The following ADGRV1 variants were observed in gnomAD, a reference collection of about 807,000 sequenced individuals.
ADGRV1 encodes the protein G-protein coupled receptor 98.
In ADGRV1, 359 loss-of-function variants were observed where a neutral mutation model predicts 596.2. That is an observed-to-expected ratio of 0.60 (90% confidence interval 0.55 to 0.66). ADGRV1 has a LOEUF of 0.66. Ranked by LOEUF, ADGRV1 falls within the 30% of genes least tolerant of loss-of-function variation. ADGRV1 has a pLI of 0.00. For synonymous variants in ADGRV1, 2,681 were observed against 2,679.2 expected, an observed-to-expected ratio of 1.00 and a Z score of -0.02; for missense variants, 7,274 against 7,575.6, an observed-to-expected ratio of 0.96 and a Z score of 1.48.
intron 74 of ADGRV1, among the ~76,000 whole-genome samples, chr5:90,812,094 A>AT (rs1378652509): frequency 2.0e-5 from 3 of 151,430 alleles, no homozygotes; most frequent in Non-Finnish European, 1.5e-5. Context: ...CGCCCGGCTA[A>AT]TTTTTTTTAT....
intron 1 of ADGRV1, among the ~76,000 whole-genome samples, chr5:90,565,517 A>G (rs868257900): frequency 1.3e-5 from 2 of 152,230 alleles, no homozygotes; most frequent in South Asian, 2.1e-4. Context: ...CAATACTTCA[A>G]TCCTTTTGTA....
At chr5:90,831,057 A>G (rs1346552554) in intron 77 of ADGRV1, among the ~76,000 whole-genome samples, 1 of 151,984 alleles carries the variant, frequency 6.6e-6, no homozygotes, top group Non-Finnish European at 1.5e-5. Flanking sequence ...TTTGCACGGG[A>G]ACTACACCAT....
chr5:90,760,919 A>G (rs981870118), intron 58 of ADGRV1, among the ~76,000 whole-genome samples: 3 of 152,254 alleles, frequency 2.0e-5, no homozygotes, highest in Non-Finnish European at 4.4e-5. Context: ...GATAACTATG[A>G]CATAATATTA....
chr5:90,666,815 A>G (rs916776011), intron 21 of ADGRV1, among the ~76,000 whole-genome samples: 2 of 151,544 alleles, frequency 1.3e-5, no homozygotes, highest in African/African-American at 2.4e-5. Context: ...GGTGGTGACA[A>G]AATCTCTCAG....
At position 90,733,425 on chromosome 5, in the gene ADGRV1, C is replaced by T. The variant is rs985071976; in HGVS notation, c.10549+3661C>T. On this transcript the variant is annotated intron_variant, in intron 50 of 89. Transcript: ENST00000405460. ...GGTTTGGATTTTGGAGACATCCATG[C>T]GTGGGGATAGTCGAACTCATAAATG... 8.5e-5 allele frequency among the ~76,000 whole-genome samples: 13 copies of T among 152,186 alleles called. 1 individual carries two copies. Among genetic ancestry groups the T allele is most frequent in the Admixed American group, 3.3e-4 (5 of 15,280 alleles).
intron 1 of ADGRV1, among the ~76,000 whole-genome samples, chr5:90,587,578 A>G (rs154561): frequency 2.2e-5 from 3 of 136,306 alleles, no homozygotes; most frequent in Non-Finnish European, 3.1e-5. Flanking sequence ...TTTTTTTTAA[A>G]TGGAGTCTTG....
chr5:91,042,124 A>G (rs932588434), intron 85 of ADGRV1, among the ~76,000 whole-genome samples: 1 of 152,218 alleles, frequency 6.6e-6, no homozygotes, highest in Non-Finnish European at 1.5e-5. Context: ...ATAGTGATTC[A>G]GTTCAAAAAT....
At chr5:90,798,183 C>T (rs1760960681) in intron 70 of ADGRV1, among the ~76,000 whole-genome samples, 1 of 151,884 alleles carries the variant, frequency 6.6e-6, no homozygotes, top group South Asian at 2.1e-4. Flanking sequence ...GCTAGCCAGA[C>T]TAATGAAGAA....
chr5:90,721,409 CAG>C (rs1427209149), intron 45 of ADGRV1, among the ~76,000 whole-genome samples: 1 of 151,824 alleles, frequency 6.6e-6, no homozygotes, highest in Non-Finnish European at 1.5e-5. Flanking sequence ...GAGGCTAAGA[CAG>C]GAGAATGGCG....
intron 87 of ADGRV1, among the ~76,000 whole-genome samples, chr5:91,103,511 G>A (rs557850658): frequency 1.3e-5 from 2 of 151,340 alleles, no homozygotes; most frequent in South Asian, 4.2e-4. Flanking sequence ...GCTCAGTCTT[G>A]GTCACCTTTA....
At chr5:91,051,861 C>T (rs1220670800) in intron 85 of ADGRV1, among the ~76,000 whole-genome samples, 1 of 152,030 alleles carries the variant, frequency 6.6e-6, no homozygotes, top group Non-Finnish European at 1.5e-5. Flanking sequence ...GACTTTTTTA[C>T]AATGATGAGA....
Position 90,647,558 on chromosome 5 carries a change from G to A in ADGRV1, c.3083G>A (p.Gly1028Glu). The A allele has an allele frequency of 1.2e-6, 2 of 1,613,836 alleles. No homozygotes were observed. The highest frequency in any genetic ancestry group is 1.3e-5 in the African/African-American group (1 of 75,028). The change falls in exon 17 of 90, where the codon GGA becomes GAA. Residue 1028 changes from glycine (G) to glutamate (E), a missense_variant. This residue lies in a region of ADGRV1 where 1,715 missense variants were observed against 1,708.8 expected (regional missense o/e 1.00). Transcript: ENST00000405460. ...ETANFTVLRN[G>E]SVDVTCMVQY... Reference sequence around the variant, plus strand: ...GCCAACTTTACAGTTCTCAGAAATGGATCTGTTGATGTGACTTGCATGGTC... The same window carrying A: ...GCCAACTTTACAGTTCTCAGAAATGAATCTGTTGATGTGACTTGCATGGTC...
Position 91,100,845 on chromosome 5 carries a change from T to C in ADGRV1, c.18311-1374T>C, listed in dbSNP as rs577160805. 3.9e-5 allele frequency among the ~76,000 whole-genome samples: 6 copies of C among 152,328 alleles called. No individual in the cohort carries two copies. The South Asian group carries it at 1.0e-3, about 26-fold the overall frequency. ...ATCCCTTCTGTGATTTCTAACGGCT[T>C]ATAATCTAAATCTAATCACGAGAAA... is the stretch of plus-strand genomic sequence containing the variant. On this transcript the variant is annotated intron_variant, in intron 86 of 89. Transcript: ENST00000405460.
chr5:90,568,307 G>T (rs779754874), intron 1 of ADGRV1, among the ~76,000 whole-genome samples: 16 of 151,550 alleles, frequency 1.1e-4, no homozygotes, highest in South Asian at 2.1e-4. Context: ...GTTTTGGTAT[G>T]CTCTGATTTT....
chr5:90,731,136 T>C (rs1319851316), intron 50 of ADGRV1, among the ~76,000 whole-genome samples: 1 of 152,148 alleles, frequency 6.6e-6, no homozygotes, highest in Non-Finnish European at 1.5e-5. Flanking sequence ...AAAGGTTTAA[T>C]TGACTCACAG....
chr5:90,604,415 G>A (rs1033217293), intron 1 of ADGRV1, among the ~76,000 whole-genome samples: 1 of 151,696 alleles, frequency 6.6e-6, no homozygotes, highest in Admixed American at 6.6e-5. Context: ...AGTATCCAAA[G>A]AAACAATTTT....
At chr5:90,794,159 G>A (rs1254103231) in intron 70 of ADGRV1, among the ~76,000 whole-genome samples, 1 of 152,186 alleles carries the variant, frequency 6.6e-6, no homozygotes, top group African/African-American at 2.4e-5. Context: ...CCACAGAGAA[G>A]GACCGCAAGG....
rs1561464218 is a variant in ADGRV1 at position 90,653,682 on chromosome 5, T to G, written c.4108T>G (p.Phe1370Val). ...AATGCCCAATGCCAATACGAATGGA[T>G]TCATTATAGCGAAGGATGACGGTAA... ...WVMPNANTNG[F>V]IIAKDDGNGS... The change falls in exon 20 of 90, where the codon TTC becomes GTC. Residue 1370 changes from phenylalanine (F) to valine (V), a missense_variant. By Grantham distance (50) the Phe-to-Val change is conservative. Coordinates refer to ENST00000405460, the MANE Select transcript of ADGRV1 (RefSeq NM_032119.4). 1.9e-6 allele frequency: 3 copies of G among 1,613,330 alleles called. No homozygotes were observed. Among genetic ancestry groups the G allele is most frequent in the Non-Finnish European group, 2.5e-6 (3 of 1,179,666 alleles).
Position 90,694,562 on chromosome 5 carries a change from C to G in ADGRV1, c.7806C>G (p.Pro2602=), listed in dbSNP as rs200241260. The change falls in exon 33 of 90, where the codon CCC becomes CCG. Residue 2602 remains proline, a synonymous_variant. Coordinates refer to ENST00000405460, the MANE Select transcript of ADGRV1 (RefSeq NM_032119.4). ...TATTTGTTGAAGTTCAGGAGCAGCC[C>G]CAAACCTTGGTGGAGCTGATGATAC... The part of the protein sequence containing the change: ...DGLFVEVQEQ[P]QTLVELMIHR... 1.5e-4 allele frequency: 248 copies of G among 1,613,830 alleles called. 1 individual carries two copies. The highest frequency in any genetic ancestry group is 1.5e-3 in the Middle Eastern group (9 of 6,060).
Sources: gnomAD v4.1 joint callset for allele counts (sites outside exome capture counted in the v4.1 genomes callset) on GRCh38, gnomAD v4.1.1 for gene constraint, gnomAD v4.1.1 regional missense constraint, MANE v1.5 for transcripts, NCBI Gene and HGNC (gene_info 2026-07-23, HGNC 2026-07-21) for gene names.